ADAD1: variants seen among roughly 807,000 people sequenced by gnomAD.
ADAD1 encodes the protein adenosine deaminase domain-containing protein 1.
Under a neutral mutation model 66.8 loss-of-function variants are expected in ADAD1, and 46 were observed. The observed-to-expected ratio is 0.69, with a 90% confidence interval of 0.54 to 0.88. The LOEUF is 0.88. Ranked by LOEUF, ADAD1 falls within the 40% of genes least tolerant of loss-of-function variation. ADAD1 has a pLI of 0.00. For synonymous variants in ADAD1, 248 were observed against 229.4 expected (o/e 1.08, Z -0.73); for missense variants, 617 against 681.8 (o/e 0.91, Z 1.06).
At chr4:122,397,085 G>A (rs956701145) in intron 7 of ADAD1, among the ~76,000 whole-genome samples, 1 of 152,112 alleles carries the variant, frequency 6.6e-6, no homozygotes, top group South Asian at 2.1e-4. Flanking sequence ...TAGAAGAAAG[G>A]AAGACATTTT....
At chr4:122,401,828 G>C (rs994144226) in intron 7 of ADAD1, among the ~76,000 whole-genome samples, 3 of 151,924 alleles carry the variant, frequency 2.0e-5, no homozygotes, top group Non-Finnish European at 4.4e-5. Flanking sequence ...GCTTGCTTTT[G>C]GTTTCCATTT....
intron 7 of ADAD1, among the ~76,000 whole-genome samples, chr4:122,405,972 G>A (rs1436159662): frequency 1.3e-5 from 2 of 152,046 alleles, no homozygotes; most frequent in Non-Finnish European, 1.5e-5. Flanking sequence ...TTCTTTATCT[G>A]TTCCTTTATT....
chr4:122,426,543 C>T (rs1444966337), intron 12 of ADAD1, among the ~76,000 whole-genome samples: 2 of 149,196 alleles, frequency 1.3e-5, no homozygotes, highest in South Asian at 2.1e-4. Context: ...ATGAAAACTA[C>T]AAACCAATCT....
At chr4:122,380,749 C>T (rs925256979) in intron 3 of ADAD1, among the ~76,000 whole-genome samples, 2 of 152,050 alleles carry the variant, frequency 1.3e-5, no homozygotes, top group African/African-American at 4.8e-5. Context: ...ATTCCATGAC[C>T]CTTGATATCA....
At chr4:122,401,187 T>C (rs2150563703) in intron 7 of ADAD1, among the ~76,000 whole-genome samples, 1 of 152,250 alleles carries the variant, frequency 6.6e-6, no homozygotes, top group Middle Eastern at 3.4e-3. Flanking sequence ...CCAGAGGTTT[T>C]GATAGATTGT....
intron 5 of ADAD1, among the ~76,000 whole-genome samples, chr4:122,385,820 G>T (rs1305596229): frequency 6.6e-6 from 1 of 152,102 alleles, no homozygotes; most frequent in Non-Finnish European, 1.5e-5. Context: ...GTGTTAGTTT[G>T]CTGAGGATGA....
intron 7 of ADAD1, among the ~76,000 whole-genome samples, chr4:122,400,238 G>A (rs1346178768): frequency 6.6e-6 from 1 of 152,066 alleles, no homozygotes; most frequent in Non-Finnish European, 1.5e-5. Flanking sequence ...TTTGTCAAAT[G>A]CTTTTTCTTT....
intron 5 of ADAD1, among the ~76,000 whole-genome samples, chr4:122,389,710 G>T (rs1795346504): frequency 6.6e-6 from 1 of 152,094 alleles, no homozygotes; most frequent in Non-Finnish European, 1.5e-5. Flanking sequence ...TTACTTGGTA[G>T]ATTTTCCTCC....
chr4:122,379,483 C>A (rs1266902377), intron 2 of ADAD1, 38 bp downstream of exon 2: 1 of 152,572 alleles, frequency 6.6e-6, no homozygotes, highest in African/African-American at 2.4e-5. Flanking sequence ...GGGGCGCAAG[C>A]CCGGGTCCTG....
At chr4:122,416,556 C>T (rs1394549822) in intron 11 of ADAD1, among the ~76,000 whole-genome samples, 2 of 151,900 alleles carry the variant, frequency 1.3e-5, no homozygotes, top group Non-Finnish European at 2.9e-5. Flanking sequence ...GTGAGAAATC[C>T]AGTCTTTTTT....
At chr4:122,399,446 A>G (rs1226103812) in intron 7 of ADAD1, among the ~76,000 whole-genome samples, 1 of 151,950 alleles carries the variant, frequency 6.6e-6, no homozygotes, top group Admixed American at 6.6e-5. Context: ...GTTCTTTTTG[A>G]TTAGTCTTAC....
chr4:122,418,927 G>T lies in ADAD1; in HGVS notation c.1488-2334G>T, dbSNP rs186995978. Among the ~76,000 whole-genome samples, 728 of 152,314 alleles carry T rather than the reference G, an allele frequency of 4.8e-3. 10 individuals are homozygous for T. Among genetic ancestry groups the T allele is most frequent in the Non-Finnish European group, 7.0e-3 (476 of 68,032 alleles). ...AGAAAGGAACACATATACACTATTG[G>T]TGGAAGTGTAAATTAGTTCAACCGT... is the stretch of plus-strand genomic sequence containing the variant. On this transcript the variant is annotated intron_variant, in intron 11 of 12. Coordinates refer to ENST00000296513, the MANE Select transcript of ADAD1 (RefSeq NM_139243.4).
intron 7 of ADAD1, among the ~76,000 whole-genome samples, chr4:122,400,099 TACTTTGAAC>T (rs1795901269): frequency 6.6e-6 from 1 of 152,096 alleles, no homozygotes; most frequent in Admixed American, 6.5e-5. Context: ...TCAGGGTGAA[TACTTTGAAC>T]ATTTCCCTGT....
At chr4:122,404,603 G>A (rs939239587) in intron 7 of ADAD1, among the ~76,000 whole-genome samples, 1 of 152,028 alleles carries the variant, frequency 6.6e-6, no homozygotes, top group African/African-American at 2.4e-5. Flanking sequence ...GGTTTTCCTG[G>A]TATGTTCCTG....
At chr4:122,424,726 A>T (rs778037646) in intron 12 of ADAD1, among the ~76,000 whole-genome samples, 1 of 152,164 alleles carries the variant, frequency 6.6e-6, no homozygotes, top group Non-Finnish European at 1.5e-5. Flanking sequence ...ATATAAATTC[A>T]CCATATCAAT....
rs1796299680 is a variant in ADAD1, at chr4:122,408,103, T to C, written c.848+72T>C. 2.8e-6 allele frequency: 4 copies of C among 1,424,458 alleles called. No individual in the cohort carries two copies. The East Asian group carries it at 9.9e-5, about 35-fold the overall frequency. 88.2% of individuals were successfully genotyped at this position (1,424,458 alleles called of 1,614,324 possible). On this transcript the variant is annotated intron_variant, in intron 8 of 12. Coordinates refer to ENST00000296513, the MANE Select transcript of ADAD1 (RefSeq NM_139243.4). ...CCCAAAGTAACTTCATATAAATGTC[T>C]TCATTTACAAATGGAATTTTATTGA... is the stretch of plus-strand genomic sequence containing the variant.
intron 5 of ADAD1, among the ~76,000 whole-genome samples, chr4:122,393,253 T>C (rs892020911): frequency 8.5e-5 from 13 of 152,110 alleles, no homozygotes; most frequent in Non-Finnish European, 1.8e-4. Flanking sequence ...AGAACATTAA[T>C]TTAAAATGTT....
chr4:122,402,852 T>G (rs1796040069), intron 7 of ADAD1, among the ~76,000 whole-genome samples: 1 of 152,196 alleles, frequency 6.6e-6, no homozygotes, highest in Non-Finnish European at 1.5e-5. Flanking sequence ...TGATTTTATT[T>G]TCATTATGAT....
At chr4:122,423,773 A>G (rs1268787589) in intron 12 of ADAD1, among the ~76,000 whole-genome samples, 5 of 152,196 alleles carry the variant, frequency 3.3e-5, no homozygotes, top group Non-Finnish European at 2.9e-5. Flanking sequence ...GCCCCATATC[A>G]TATGGTTTGA....
Sources: allele counts gnomAD v4.1 joint callset (sites outside exome capture counted in the v4.1 genomes callset), GRCh38; gene constraint gnomAD v4.1.1; transcripts MANE v1.5; gene names NCBI Gene and HGNC (gene_info 2026-07-23, HGNC 2026-07-21).